ARL5A: variants seen among roughly 807,000 people sequenced by gnomAD.
ARL5A encodes ADP-ribosylation factor-like protein 5A.
Under a neutral mutation model 25.9 loss-of-function variants are expected in ARL5A, and 18 were observed. That is an observed-to-expected ratio of 0.69 (90% confidence interval 0.48 to 1.03). ARL5A has a LOEUF of 1.03. Ranked by LOEUF, ARL5A falls within the 50% of genes least tolerant of loss-of-function variation. The pLI is 0.00. For missense variants in ARL5A, 170 were observed against 211.9 expected, an observed-to-expected ratio of 0.80 and a Z score of 1.23; for synonymous variants, 61 against 67.5, an observed-to-expected ratio of 0.90 and a Z score of 0.47.
chr2:151,822,308 G>C lies in ARL5A; in HGVS notation c.46+5823C>G, dbSNP rs181347840. On this transcript the variant is annotated intron_variant, in intron 1 of 5. Coordinates refer to ENST00000295087, the MANE Select transcript of ARL5A (RefSeq NM_012097.4). ...TTACAGGCATGAGCCACTGCGTCCC[G>C]GCCACCAATGACCATTTTTAATAGC... Among the ~76,000 whole-genome samples the C allele has an allele frequency of 1.8e-4, 28 of 152,288 alleles. No homozygotes were observed. The East Asian group carries it at 5.4e-3, about 29-fold the overall frequency.
chr2:151,809,955 C>T (rs753241420), intron 4 of ARL5A, among the ~76,000 whole-genome samples: 59 of 152,170 alleles, frequency 3.9e-4, no homozygotes, highest in Middle Eastern at 3.4e-3. Flanking sequence ...TGGTGGTGGG[C>T]GCCTGTAATC....
intron 1 of ARL5A, among the ~76,000 whole-genome samples, chr2:151,819,616 G>C (rs1023535330): frequency 6.6e-6 from 1 of 152,214 alleles, no homozygotes; most frequent in Middle Eastern, 3.4e-3. Flanking sequence ...ACCTCATCTG[G>C]CTTTAGTACA....
In ARL5A at chr2:151,801,528, A is replaced by G. The variant is rs895465130; in HGVS notation, c.*1748T>C. The G allele has an allele frequency of 6.6e-6, 1 of 152,158 alleles. No homozygotes were observed. The highest frequency in any genetic ancestry group is 2.4e-5 in the African/African-American group (1 of 41,450). The allele number at this position is 152,158 out of a possible 1,614,324, so 9.4% of individuals were successfully genotyped here. A position where few individuals can be genotyped will look rare whatever the true frequency, so the allele number is the denominator to read the frequency against. On this transcript the variant is annotated 3_prime_UTR_variant, in exon 6 of 6. Transcript: ENST00000295087. ...GTACGAGAACATATGGGAAAAGCTT[A>G]GTAATTTAAGATTTACTTTTGTAAA... is the stretch of plus-strand genomic sequence containing the variant.
At chr2:151,824,618 A>G (rs1221528292) in intron 1 of ARL5A, among the ~76,000 whole-genome samples, 1 of 152,192 alleles carries the variant, frequency 6.6e-6, no homozygotes, top group African/African-American at 2.4e-5. Context: ...GCAACCAACC[A>G]AGAGAGCAAT....
intron 4 of ARL5A, among the ~76,000 whole-genome samples, chr2:151,809,000 A>G (rs1014508317): frequency 6.6e-6 from 1 of 152,218 alleles, no homozygotes; most frequent in Non-Finnish European, 1.5e-5. Flanking sequence ...GCGAGCAAAG[A>G]TAGCGCCACT....
intron 1 of ARL5A, among the ~76,000 whole-genome samples, chr2:151,816,143 G>C (rs1388026003): frequency 2.0e-5 from 3 of 152,096 alleles, no homozygotes; most frequent in Admixed American, 6.5e-5. Context: ...TGGCTGTCTT[G>C]GACAAGTCCT....
chr2:151,818,943 T>C (rs576716256), intron 1 of ARL5A, among the ~76,000 whole-genome samples: 4 of 151,872 alleles, frequency 2.6e-5, no homozygotes, highest in Non-Finnish European at 4.4e-5. Context: ...TCCACCCCAT[T>C]CCCCCAATGT....
At position 151,828,385 on chromosome 2, in the gene ARL5A, T is replaced by G. The variant is rs559728501; in HGVS notation, c.-209A>C. On this transcript the variant is annotated 5_prime_UTR_variant, in exon 1 of 6. Coordinates refer to ENST00000295087, the MANE Select transcript of ARL5A (RefSeq NM_012097.4). ...GGCCCCGCCGCTGCCGCCGCGGCAC[T>G]CGCCTGGCTCGCGGACATCGCCGCC... 128 of 423,280 alleles carry G rather than the reference T, an allele frequency of 3.0e-4. No individual in the cohort carries two copies. Among genetic ancestry groups the G allele is most frequent in the African/African-American group, 2.4e-3 (115 of 47,648 alleles). The allele number at this position is 423,280 out of a possible 1,614,324, so 26.2% of individuals were successfully genotyped here.
Position 151,802,634 on chromosome 2 carries a change from C to G in ARL5A, c.*642G>C, listed in dbSNP as rs1397913159. ...TTTTTTTTTTAAACAAGCAGCTCAG[C>G]GATTTGGGAGGTTGGTTAGTACAAT... On this transcript the variant is annotated 3_prime_UTR_variant, in exon 6 of 6. Coordinates refer to ENST00000295087, the MANE Select transcript of ARL5A (RefSeq NM_012097.4). 1 of 150,106 alleles carries G rather than the reference C, an allele frequency of 6.7e-6. No individual in the cohort carries two copies. Among genetic ancestry groups the G allele is most frequent in the African/African-American group, 2.5e-5 (1 of 40,548 alleles). 9.3% of individuals were successfully genotyped at this position (150,106 alleles called of 1,614,324 possible).
intron 1 of ARL5A, among the ~76,000 whole-genome samples, chr2:151,820,236 A>C (rs1446991899): frequency 1.3e-5 from 2 of 152,352 alleles, no homozygotes; most frequent in South Asian, 4.1e-4. Flanking sequence ...AGTATCAATA[A>C]GCTGAAATTA....
Position 151,819,617 on chromosome 2 carries a change from C to T in ARL5A, c.47-4418G>A, listed in dbSNP as rs564630334. ...AGCTTTAAAGTAAAACCTCATCTGGCTTTAGTACAGGTATTTTTTTAAGTG... is the reference window on the plus strand; with the variant it reads ...AGCTTTAAAGTAAAACCTCATCTGGTTTTAGTACAGGTATTTTTTTAAGTG... On this transcript the variant is annotated intron_variant, in intron 1 of 5. Transcript: ENST00000295087. Among the ~76,000 whole-genome samples the T allele has an allele frequency of 2.0e-5, 3 of 152,240 alleles. No homozygotes were observed. The East Asian group carries it at 5.8e-4, about 29-fold the overall frequency.
chr2:151,822,185 T>C (rs913177221), intron 1 of ARL5A, among the ~76,000 whole-genome samples: 1 of 152,072 alleles, frequency 6.6e-6, no homozygotes, highest in Non-Finnish European at 1.5e-5. Context: ...AATTTTTGTA[T>C]TTTTAGTAGA....
Position 151,812,452 on chromosome 2 carries a change from A to G in ARL5A, c.256-12T>C. The stretch of plus-strand genomic sequence containing the variant: ...ACAACTATTACAAACTAAAATAATT[A>G]CAAAAAAATTATTAGTGATTATACA... On this transcript the variant is annotated splice_polypyrimidine_tract_variant and intron_variant, in intron 3 of 5. Coordinates refer to ENST00000295087, the MANE Select transcript of ARL5A (RefSeq NM_012097.4). 1 of 1,528,034 alleles carries G rather than the reference A, an allele frequency of 6.5e-7. No individual in the cohort carries two copies. The highest frequency in any genetic ancestry group is 2.1e-5 in the Admixed American group (1 of 47,968). 94.7% of individuals were successfully genotyped at this position (1,528,034 alleles called of 1,614,324 possible).
chr2:151,804,476 C>A (rs912283103), intron 5 of ARL5A, among the ~76,000 whole-genome samples: 1 of 151,744 alleles, frequency 6.6e-6, no homozygotes, highest in African/African-American at 2.4e-5. Context: ...AGTCTAATAA[C>A]GTAAAAGAAG....
At chr2:151,823,608 TC>T (rs1559823918) in intron 1 of ARL5A, among the ~76,000 whole-genome samples, 1 of 152,088 alleles carries the variant, frequency 6.6e-6, no homozygotes, top group African/African-American at 2.4e-5. Flanking sequence ...GCACTCACTA[TC>T]CCTAGGGTTG....
chr2:151,805,229 T>TA (rs2099829937), intron 5 of ARL5A, among the ~76,000 whole-genome samples: 1 of 151,976 alleles, frequency 6.6e-6, no homozygotes. Flanking sequence ...AGTTTTTTTT[T>TA]AATTAAAAAA....
At chr2:151,817,284 T>G (rs982677168) in intron 1 of ARL5A, among the ~76,000 whole-genome samples, 1 of 152,246 alleles carries the variant, frequency 6.6e-6, no homozygotes, top group Non-Finnish European at 1.5e-5. Context: ...ATTATTTACA[T>G]GTGCACTAAT....
At chr2:151,810,767 C>A (rs1194430303) in intron 4 of ARL5A, among the ~76,000 whole-genome samples, 1 of 152,164 alleles carries the variant, frequency 6.6e-6, no homozygotes, top group South Asian at 2.1e-4. Context: ...GATCCTGCTG[C>A]ATATTGGCCA....
chr2:151,802,739 A>G lies in ARL5A; in HGVS notation c.*537T>C, dbSNP rs957309951. 1.3e-4 allele frequency: 20 copies of G among 153,300 alleles called. 3 individuals are homozygous for G. The highest frequency in any genetic ancestry group is 1.2e-3 in the Admixed American group (18 of 15,332). 9.5% of individuals were successfully genotyped at this position (153,300 alleles called of 1,614,324 possible). A position where few individuals can be genotyped will look rare whatever the true frequency, so the allele number is the denominator to read the frequency against. On this transcript the variant is annotated 3_prime_UTR_variant, in exon 6 of 6. Coordinates refer to ENST00000295087, the MANE Select transcript of ARL5A (RefSeq NM_012097.4). ...TATCTCATTGTGGTTATAACGAAGG[A>G]TATTATTATTTGTGTTATTTTTGTC... is the stretch of plus-strand genomic sequence containing the variant.
Sources: allele counts gnomAD v4.1 joint callset (sites outside exome capture counted in the v4.1 genomes callset), GRCh38; gene constraint gnomAD v4.1.1; transcripts MANE v1.5; gene names NCBI Gene and HGNC (gene_info 2026-07-23, HGNC 2026-07-21).